HMGB1: variants seen among roughly 807,000 people sequenced by gnomAD.
HMGB1 encodes high mobility group box 1, also known as high mobility group protein B1.
For synonymous variants in HMGB1, 81 were observed against 84.0 expected (o/e 0.96, Z 0.19); for missense variants, 79 against 253.5 (o/e 0.31, Z 4.67).
intron 1 of HMGB1, among the ~76,000 whole-genome samples, chr13:30,475,998 G>A (rs1221384370): frequency 1.3e-5 from 2 of 151,718 alleles, no homozygotes; most frequent in East Asian, 3.9e-4. Flanking sequence ...ATTGTAAACT[G>A]TAATTCTGAA....
chr13:30,476,158 A>T (rs1593265429), intron 1 of HMGB1, among the ~76,000 whole-genome samples: 1 of 104,732 alleles, frequency 9.5e-6, no homozygotes, highest in Admixed American at 1.2e-4. Flanking sequence ...GGTAGCATGT[A>T]CTCTCTCTCA....
intron 1 of HMGB1, chr13:30,464,543 C>T: frequency 1.0e-6 from 1 of 984,624 alleles, no homozygotes; most frequent in African/African-American, 1.7e-5. Flanking sequence ...CTCCCAGGCC[C>T]GAGGCCGCCA....
chr13:30,505,584 T>C (rs1319816086), intron 1 of HMGB1, among the ~76,000 whole-genome samples: 1 of 152,114 alleles, frequency 6.6e-6, no homozygotes, highest in Non-Finnish European at 1.5e-5. Flanking sequence ...GTTCTGGGAT[T>C]ACAGGTGTGA....
chr13:30,466,404 C>T (rs2137413888), upstream of HMGB1, among the ~76,000 whole-genome samples: 1 of 152,250 alleles, frequency 6.6e-6, no homozygotes, highest in East Asian at 1.9e-4. Context: ...ATCATGTCCC[C>T]TGAAAACTGG....
At chr13:30,566,024 G>A (rs1870168858) in intron 1 of HMGB1, among the ~76,000 whole-genome samples, 1 of 152,202 alleles carries the variant, frequency 6.6e-6, no homozygotes. Context: ...TATTCAGACT[G>A]TGGTTTACCT....
intron 1 of HMGB1, among the ~76,000 whole-genome samples, chr13:30,531,071 A>T (rs1888482612): frequency 6.6e-6 from 1 of 152,172 alleles, no homozygotes; most frequent in Non-Finnish European, 1.5e-5. Flanking sequence ...ACAAGTGCAC[A>T]CACACATTTG....
intron 1 of HMGB1, among the ~76,000 whole-genome samples, chr13:30,473,828 C>T (rs1308405486): frequency 6.6e-6 from 1 of 152,194 alleles, no homozygotes; most frequent in Non-Finnish European, 1.5e-5. Flanking sequence ...GCATTTGTAA[C>T]AGTCAAAAAG....
intron 1 of HMGB1, among the ~76,000 whole-genome samples, chr13:30,526,096 G>A (rs9550571): frequency 0.089 from 13,482 of 152,234 alleles, 820 homozygotes; most frequent in Admixed American, 0.17. Flanking sequence ...TTGCTCTGAT[G>A]CCCAGGCTGG....
At chr13:30,607,404 G>A (rs1950470609) in intron 1 of HMGB1, among the ~76,000 whole-genome samples, 1 of 150,992 alleles carries the variant, frequency 6.6e-6, no homozygotes, top group African/African-American at 2.5e-5. Flanking sequence ...GTTCTCCGAT[G>A]GTTTAAACGC....
At chr13:30,552,214 A>G (rs1270304783) in intron 1 of HMGB1, among the ~76,000 whole-genome samples, 2 of 152,178 alleles carry the variant, frequency 1.3e-5, no homozygotes, top group Non-Finnish European at 2.9e-5. Flanking sequence ...ATTTTGCTAC[A>G]TTTGTGTTCA....
At chr13:30,535,934 T>C (rs1482095674) in intron 1 of HMGB1, among the ~76,000 whole-genome samples, 2 of 152,184 alleles carry the variant, frequency 1.3e-5, no homozygotes, top group East Asian at 1.9e-4. Flanking sequence ...CTGCTCACGA[T>C]TAAGACAGGA....
intron 1 of HMGB1, chr13:30,554,097 G>A (rs1593308749): frequency 1.6e-6 from 2 of 1,284,804 alleles, no homozygotes; most frequent in East Asian, 4.6e-5. Flanking sequence ...GGGATTCAAT[G>A]TGAAGCTCTT....
chr13:30,478,273 G>T (rs67735674), intron 1 of HMGB1, among the ~76,000 whole-genome samples: 1 of 152,038 alleles, frequency 6.6e-6, no homozygotes, highest in Non-Finnish European at 1.5e-5. Context: ...GGAGTTCAAG[G>T]CTGCAGTGAG....
At chr13:30,561,704 C>T (rs1869961552) in intron 1 of HMGB1, among the ~76,000 whole-genome samples, 1 of 152,076 alleles carries the variant, frequency 6.6e-6, no homozygotes. Context: ...GGGGAGTCGC[C>T]AGAAAGGAAT....
chr13:30,538,482 C>CTTTCTTTCTTTCTTTCTTTCTTTATTTA (rs1566018689), intron 1 of HMGB1, among the ~76,000 whole-genome samples: 1 of 33,532 alleles, frequency 3.0e-5, no homozygotes, highest in African/African-American at 8.9e-5. Flanking sequence ...TTCTTTCTTT[C>CTTTCTTTCTTTCTTTCTTTCTTTATTTA]TTTCTTTCTT....
At chr13:30,518,416 C>T (rs915044234) in intron 1 of HMGB1, among the ~76,000 whole-genome samples, 2 of 152,062 alleles carry the variant, frequency 1.3e-5, no homozygotes, top group East Asian at 3.9e-4. Flanking sequence ...TTTCAAGACC[C>T]AATTTAGATC....
At chr13:30,489,054 A>T (rs9315013) in intron 1 of HMGB1, among the ~76,000 whole-genome samples, 1 of 152,118 alleles carries the variant, frequency 6.6e-6, no homozygotes, top group Non-Finnish European at 1.5e-5. Flanking sequence ...TTTTTCCTTT[A>T]TGTTGATTGC....
In HMGB1 at chr13:30,559,996, C is replaced by T. The variant is rs1249335529; in HGVS notation, c.-15+56675G>A. On this transcript the variant is annotated intron_variant, in intron 1 of 4. Transcript: ENST00000405805. This position sits in a 1 kb window ranked among gnomAD's most constrained non-coding sequence, Gnocchi z 6.6. ...TTTCTCACCATTGAGACCCCCAAGGCACCCCCTCCCAGCATTTACCAGAAT... is the reference window on the plus strand; with the variant it reads ...TTTCTCACCATTGAGACCCCCAAGGTACCCCCTCCCAGCATTTACCAGAAT... 6.6e-6 allele frequency among the ~76,000 whole-genome samples: 1 copy of T among 152,080 alleles called. No homozygotes were observed. Among genetic ancestry groups the T allele is most frequent in the Non-Finnish European group, 1.5e-5 (1 of 68,014 alleles).
intron 1 of HMGB1, among the ~76,000 whole-genome samples, chr13:30,612,075 G>A (rs547264652): frequency 6.6e-6 from 1 of 151,814 alleles, no homozygotes; most frequent in Non-Finnish European, 1.5e-5. Flanking sequence ...ATAGATGATG[G>A]TGAACCAAAC....
Sources: gnomAD v4.1 joint callset for allele counts (sites outside exome capture counted in the v4.1 genomes callset) on GRCh38, gnomAD v4.1.1 for gene constraint, Gnocchi (gnomAD v3.1) non-coding constraint, MANE v1.5 for transcripts, NCBI Gene and HGNC (gene_info 2026-07-23, HGNC 2026-07-21) for gene names.